CMTR2: variants seen among roughly 807,000 people sequenced by gnomAD.
The protein encoded by CMTR2 is cap-specific mRNA (nucleoside-2'-O-)-methyltransferase 2.
A neutral mutation model predicts 49.8 loss-of-function variants in CMTR2; 40 were observed. That is an observed-to-expected ratio of 0.80 (90% confidence interval 0.62 to 1.04). The LOEUF is 1.04. Among genes scored for constraint, CMTR2 ranks in the 50% least tolerant of loss-of-function variants. CMTR2 has a pLI of 0.00. For missense variants in CMTR2, 907 were observed against 897.2 expected (o/e 1.01, Z -0.14); for synonymous variants, 326 against 315.8 (o/e 1.03, Z -0.34).
chr16:71,285,980 T>G (rs2144851444), intron 2 of CMTR2, 41 bp from the exon 3 acceptor site: 2 of 1,450,680 alleles, frequency 1.4e-6, no homozygotes, highest in South Asian at 2.8e-5. Context: ...TCAAATTTAT[T>G]AGTGAGCGAA....
rs767002172 is a variant in CMTR2 at position 71,284,728 on chromosome 16, T to C, written c.1193A>G (p.Asp398Gly). The C allele has an allele frequency of 3.1e-6, 5 of 1,613,554 alleles. No homozygotes were observed. The South Asian group carries it at 5.5e-5, about 18-fold the overall frequency. Reference sequence around the variant, plus strand: ...TTGCATAAAATATTGTATAGCACAATCCCTTAAATTATTCAGCTTTTCTTG... The same window carrying C: ...TTGCATAAAATATTGTATAGCACAACCCCTTAAATTATTCAGCTTTTCTTG... The part of the protein sequence containing the change: ...AEQEKLNNLR[D>G]CAIQYFMQKF... The change falls in exon 3 of 3, where the codon GAT (aspartate) becomes GGT (glycine). Residue 398 changes from aspartate to glycine, a missense_variant. By Grantham distance (94) the Asp-to-Gly change is moderately conservative. Coordinates refer to ENST00000434935, the MANE Select transcript of CMTR2 (RefSeq NM_018348.6).
chr16:71,283,997 C>T lies in CMTR2; in HGVS notation c.1924G>A (p.Val642Ile). Residue 642 changes from valine (V) to isoleucine (I), a missense_variant, in exon 3 of 3, where the codon GTT becomes ATT. By Grantham distance (29) the Val-to-Ile change is conservative. Coordinates refer to ENST00000434935, the MANE Select transcript of CMTR2 (RefSeq NM_018348.6). ...HSLRELHTGD[V>I]MILPVLSCFT... is the part of the protein sequence containing the mutation. ...CAAGAAAGTACAGGCAAAATCATAA[C>T]ATCTCCTGTATGAAGCTCCCGCAAT... is the stretch of plus-strand genomic sequence containing the variant. 1 of 1,613,858 alleles carries T rather than the reference C, an allele frequency of 6.2e-7. No individual in the cohort carries two copies. The highest frequency in any genetic ancestry group is 2.2e-5 in the East Asian group (1 of 44,886).
In CMTR2 at chr16:71,282,528, C is replaced by A. The variant is rs1037380942; in HGVS notation, c.*1080G>T. 1 of 152,152 alleles carries A rather than the reference C, an allele frequency of 6.6e-6. No individual in the cohort carries two copies. The highest frequency in any genetic ancestry group is 6.5e-5 in the Admixed American group (1 of 15,282). 9.4% of individuals were successfully genotyped at this position (152,152 alleles called of 1,614,324 possible). On this transcript the variant is annotated 3_prime_UTR_variant, in exon 3 of 3. Coordinates refer to ENST00000434935, the MANE Select transcript of CMTR2 (RefSeq NM_018348.6). ...CACTTTGCCACAAAAACTCATTACA[C>A]TGCAAATACAGAAGAAATAAAATAA...
Position 71,289,350 on chromosome 16 carries a change from A to C in CMTR2, c.-294T>G, listed in dbSNP as rs982317300. Reference sequence around the variant, plus strand: ...CTCGCGGCACCGGGAAGCCAGTCCCACCTCCGGGCCCCGCAGCCGCGAATG... The same window carrying C: ...CTCGCGGCACCGGGAAGCCAGTCCCCCCTCCGGGCCCCGCAGCCGCGAATG... On this transcript the variant is annotated 5_prime_UTR_variant, in exon 1 of 3. Transcript: ENST00000434935. 1 of 152,070 alleles carries C rather than the reference A, an allele frequency of 6.6e-6. No individual in the cohort carries two copies. The highest frequency in any genetic ancestry group is 1.9e-4 in the East Asian group (1 of 5,154). The allele number at this position is 152,070 out of a possible 1,614,324, so 9.4% of individuals were successfully genotyped here.
Position 71,284,361 on chromosome 16 carries a change from A to G in CMTR2, c.1560T>C (p.Asn520=), listed in dbSNP as rs771388385. 6.2e-7 allele frequency: 1 copy of G among 1,613,442 alleles called. No homozygotes were observed. Residue 520 remains asparagine, a synonymous_variant, in exon 3 of 3, where the codon AAT becomes AAC. Coordinates refer to ENST00000434935, the MANE Select transcript of CMTR2 (RefSeq NM_018348.6). ...FCNGEILKTL[N]EAIEKSLGGA... Reference sequence around the variant, plus strand: ...CTCCTAATGACTTTTCAATTGCTTCATTAAGAGTTTTTAAAATTTCACCAT... The same window carrying G: ...CTCCTAATGACTTTTCAATTGCTTCGTTAAGAGTTTTTAAAATTTCACCAT...
In CMTR2 at chr16:71,283,963, C is replaced by A; in HGVS notation, c.1958G>T (p.Arg653Ile). ...MILPVLSCFT[R>I]FMAGLIFVLH... The stretch of plus-strand genomic sequence containing the variant: ...TACAAAGATCAAACCAGCCATAAAT[C>A]TTGTGAAGCAAGAAAGTACAGGCAA... Residue 653 changes from arginine (R) to isoleucine (I), a missense_variant, in exon 3 of 3, where the codon AGA becomes ATA. Coordinates refer to ENST00000434935, the MANE Select transcript of CMTR2 (RefSeq NM_018348.6). 6.2e-7 allele frequency: 1 copy of A among 1,614,032 alleles called. No individual in the cohort carries two copies.
intron 2 of CMTR2, chr16:71,286,795 T>A (rs958984487): frequency 2.0e-5 from 3 of 152,076 alleles, no homozygotes; most frequent in Non-Finnish European, 4.4e-5. Context: ...CACCATAACA[T>A]ATCATTATTT....
In CMTR2 at chr16:71,284,949, C is replaced by T; in HGVS notation, c.972G>A (p.Glu324=). 1.9e-6 allele frequency: 3 copies of T among 1,614,148 alleles called. No homozygotes were observed. Among genetic ancestry groups the T allele is most frequent in the Non-Finnish European group, 2.5e-6 (3 of 1,179,990 alleles). Residue 324 remains glutamate, a synonymous_variant, in exon 3 of 3, where the codon GAG becomes GAA. Coordinates refer to ENST00000434935, the MANE Select transcript of CMTR2 (RefSeq NM_018348.6). ...YVVCLHYKGR[E]AIHPLLSKMT... Reference sequence around the variant, plus strand: ...TCTTAGATAACAGAGGATGGATGGCCTCTCTCCCCTTATAGTGGAGGCAAA... The same window carrying T: ...TCTTAGATAACAGAGGATGGATGGCTTCTCTCCCCTTATAGTGGAGGCAAA...
intron 1 of CMTR2, 84 bp downstream of exon 1, chr16:71,289,052 C>G (rs1424781909): frequency 6.6e-6 from 1 of 152,382 alleles, no homozygotes; most frequent in Non-Finnish European, 1.5e-5. Flanking sequence ...CGGTCCCTGA[C>G]CTGGAGGAAA....
Position 71,281,872 on chromosome 16 carries a change from GT to G in CMTR2, c.*1735del, listed in dbSNP as rs1339066814. 2 of 151,686 alleles carry G rather than the reference GT, an allele frequency of 1.3e-5. No homozygotes were observed. The highest frequency in any genetic ancestry group is 1.3e-4 in the Admixed American group (2 of 15,234). 9.4% of individuals were successfully genotyped at this position (151,686 alleles called of 1,614,324 possible). On this transcript the variant is annotated 3_prime_UTR_variant, in exon 3 of 3. Transcript: ENST00000434935. ...CATTCTTATCAAATAGTTAAAATAAGTAAAAAATAAGCTGCATTATTAGTAT... is the reference window on the plus strand; with the variant it reads ...CATTCTTATCAAATAGTTAAAATAAGAAAAAATAAGCTGCATTATTAGTAT...
Position 71,284,489 on chromosome 16 carries a change from G to A in CMTR2, c.1432C>T (p.Gln478Ter), listed in dbSNP as rs2041677163. Residue 478 changes from glutamine (Q) to a stop codon, truncating the protein, a stop_gained, in exon 3 of 3, where the codon CAG becomes TAG. Transcript: ENST00000434935. LOFTEE classifies it high-confidence loss of function. The stretch of plus-strand genomic sequence containing the variant: ...GCTGTTCCTTCTAAAATAGAACTCT[G>A]CCCAGGATGATATACACCATGTTCT... ...AEEHGVYHPG[Q>*]SSILEGTASN... 1.2e-6 allele frequency: 2 copies of A among 1,613,894 alleles called. No individual in the cohort carries two copies. Among genetic ancestry groups the A allele is most frequent in the East Asian group, 4.5e-5 (2 of 44,876 alleles).
rs1197573570 is a variant in CMTR2, at chr16:71,283,791, G to T, written c.2130C>A (p.Ser710Arg). The T allele has an allele frequency of 2.5e-6, 4 of 1,613,938 alleles. No homozygotes were observed. The highest frequency in any genetic ancestry group is 3.4e-6 in the Non-Finnish European group (4 of 1,179,944). The change falls in exon 3 of 3, where the codon AGC (serine) becomes AGA (arginine). Residue 710 changes from serine (S) to arginine (R), a missense_variant. Coordinates refer to ENST00000434935, the MANE Select transcript of CMTR2 (RefSeq NM_018348.6). The stretch of plus-strand genomic sequence containing the variant: ...GGGGTGAGTCAGAGTTGAGCAAAGT[G>T]CTCAACAATTCATTCACACTCTGCA... The part of the protein sequence containing the change: ...RYLQSVNELL[S>R]TLLNSDSPQQ...
rs749308887 is a variant in CMTR2 at position 71,283,931 on chromosome 16, T to C, written c.1990A>G (p.Ser664Gly). The stretch of plus-strand genomic sequence containing the variant: ...ACAAAAGTGATGAATCTAAAACAAC[T>C]GTGGAGTACAAAGATCAAACCAGCC... ...FMAGLIFVLH[S>G]CFRFITFVCP... is the part of the protein sequence containing the mutation. The change falls in exon 3 of 3, where the codon AGT (serine) becomes GGT (glycine). Residue 664 changes from serine (S) to glycine (G), a missense_variant. Physicochemically the swap from Ser to Gly is moderately conservative, Grantham distance 56. Transcript: ENST00000434935. The C allele has an allele frequency of 4.3e-6, 7 of 1,614,026 alleles. No homozygotes were observed. Among genetic ancestry groups the C allele is most frequent in the Admixed American group, 3.3e-5 (2 of 60,014 alleles).
rs545892632 is a variant in CMTR2 at position 71,283,332 on chromosome 16, C to T, written c.*276G>A. 1.3e-5 allele frequency: 5 copies of T among 371,292 alleles called. No individual in the cohort carries two copies. In the East Asian group the frequency reaches 2.2e-4, roughly 17 times the overall value. 23.0% of individuals were successfully genotyped at this position (371,292 alleles called of 1,614,324 possible). ...AGACCAACTAAATGGCATAGGTAAG[C>T]ATGGCTGTGGCCACCCATACACATA... is the stretch of plus-strand genomic sequence containing the variant. On this transcript the variant is annotated 3_prime_UTR_variant, in exon 3 of 3. Transcript: ENST00000434935.
In CMTR2 at chr16:71,284,079, C is replaced by G; in HGVS notation, c.1842G>C (p.Leu614Phe). The change falls in exon 3 of 3, where the codon TTG (leucine) becomes TTC (phenylalanine). Residue 614 changes from leucine (L) to phenylalanine (F), a missense_variant. Leu to Phe is a conservative substitution (Grantham distance 22). Coordinates refer to ENST00000434935, the MANE Select transcript of CMTR2 (RefSeq NM_018348.6). ...SAELTTFSCSLLHDGDPTYQR... is the reference protein window; with the variant it reads ...SAELTTFSCSFLHDGDPTYQR... Reference sequence around the variant, plus strand: ...GGTAAGTTGGATCTCCATCATGAAGCAATGAACAGCTAAAAGTTGTGAGTT... The same window carrying G: ...GGTAAGTTGGATCTCCATCATGAAGGAATGAACAGCTAAAAGTTGTGAGTT... 1 of 1,614,094 alleles carries G rather than the reference C, an allele frequency of 6.2e-7. No homozygotes were observed. Among genetic ancestry groups the G allele is most frequent in the Non-Finnish European group, 8.5e-7 (1 of 1,179,956 alleles).
rs1355399247 is a variant in CMTR2 at position 71,283,939 on chromosome 16, A to T, written c.1982T>A (p.Val661Glu). ...GATGAATCTAAAACAACTGTGGAGT[A>T]CAAAGATCAAACCAGCCATAAATCT... is the stretch of plus-strand genomic sequence containing the variant. ...FTRFMAGLIF[V>E]LHSCFRFITF... Residue 661 changes from valine (V) to glutamate (E), a missense_variant, in exon 3 of 3, where the codon GTA becomes GAA. Transcript: ENST00000434935. 6.2e-7 allele frequency: 1 copy of T among 1,614,030 alleles called. No individual in the cohort carries two copies. Among genetic ancestry groups the T allele is most frequent in the Non-Finnish European group, 8.5e-7 (1 of 1,179,970 alleles).
chr16:71,286,582 A>G (rs1437765513), intron 2 of CMTR2: 1 of 152,034 alleles, frequency 6.6e-6, no homozygotes, highest in Non-Finnish European at 1.5e-5. Flanking sequence ...TCCAGATTTC[A>G]TTCTCTAAGA....
rs1198701942 is a variant in CMTR2 at position 71,283,707 on chromosome 16, A to C, written c.2214T>G (p.Phe738Leu). Residue 738 changes from phenylalanine (F) to leucine (L), a missense_variant, in exon 3 of 3, where the codon TTT becomes TTG. Coordinates refer to ENST00000434935, the MANE Select transcript of CMTR2 (RefSeq NM_018348.6). ...CAATGGCAGCATTCAAATCCCACAA[A>C]AAATCAAGCAGGGCCCCCTTAAGGA... ...EVLLKGALLDFLWDLNAAIAK... is the reference protein window; with the variant it reads ...EVLLKGALLDLLWDLNAAIAK... The C allele has an allele frequency of 5.0e-6, 8 of 1,613,880 alleles. No homozygotes were observed. The Admixed American group carries it at 1.3e-4, about 27-fold the overall frequency.
chr16:71,284,327 T>C lies in CMTR2; in HGVS notation c.1594A>G (p.Asn532Asp). Residue 532 changes from asparagine to aspartate, a missense_variant, in exon 3 of 3, where the codon AAT becomes GAT. Transcript: ENST00000434935. ...TTTGGCCTAAACTTGGAATCCAAAT[T>C]AAAAGCTCCTCCTAATGACTTTTCA... ...AIEKSLGGAF[N>D]LDSKFRPKQQ... 1 of 1,613,740 alleles carries C rather than the reference T, an allele frequency of 6.2e-7. No individual in the cohort carries two copies. Among genetic ancestry groups the C allele is most frequent in the Non-Finnish European group, 8.5e-7 (1 of 1,179,926 alleles).
Sources: gnomAD v4.1 joint callset for allele counts on GRCh38, gnomAD v4.1.1 for gene constraint, MANE v1.5 for transcripts, NCBI Gene and HGNC (gene_info 2026-07-23, HGNC 2026-07-21) for gene names.